Variants in CCDC22 observed in about 807,000 individuals in gnomAD.
CCDC22 encodes coiled-coil domain-containing protein 22.
CCDC22 carries 4 observed loss-of-function variants against 53.1 expected under a neutral mutation model. The observed-to-expected ratio is 0.08, with a 90% CI of 0.04 to 0.17. CCDC22 has a LOEUF of 0.17. Among genes scored for constraint, CCDC22 ranks in the 10% least tolerant of loss-of-function variants. CCDC22 has a pLI of 1.00. For synonymous variants in CCDC22, 222 were observed against 224.4 expected (o/e 0.99, Z 0.10); for missense variants, 458 against 554.0 (o/e 0.83, Z 1.74).
chrX:49,249,297 A>C, intron 14 of CCDC22, 35 bp downstream of exon 14: 3 of 1,053,679 alleles, frequency 2.8e-6, no homozygotes, highest in Non-Finnish European at 4.0e-6. Flanking sequence ...GAGTGGGGTG[A>C]GGCTGGGCTG....
At chrX:49,236,597 G>C (rs1332486648) in intron 1 of CCDC22, among the ~76,000 whole-genome samples, 1 of 111,239 alleles carries the variant, frequency 9.0e-6, no homozygotes, top group African/African-American at 3.3e-5. Context: ...AAAAACCCAG[G>C]ATGCCAACAT....
Position 49,242,084 on chromosome X carries a change from C to G in CCDC22, c.297C>G (p.Asp99Glu), listed in dbSNP as rs782159081. ...ACCCCAGTGAGCCTGACCTCCGAGA[C>G]CTGCTTCTCTTCTTGGCTGAGCGTC... is the stretch of plus-strand genomic sequence containing the variant. ...FLYPSEPDLR[D>E]LLLFLAERLP... The change falls in exon 3 of 17, where the codon GAC (aspartate) becomes GAG (glutamate). Residue 99 changes from aspartate to glutamate, a missense_variant. By Grantham distance (45) the Asp-to-Glu change is conservative (BLOSUM62 2). Coordinates refer to ENST00000376227, the MANE Select transcript of CCDC22 (RefSeq NM_014008.5). 5.8e-6 allele frequency: 7 copies of G among 1,208,394 alleles called. No individual in the cohort carries two copies. The African/African-American group carries it at 7.1e-5, about 12-fold the overall frequency.
intron 2 of CCDC22, among the ~76,000 whole-genome samples, chrX:49,239,071 TG>T (rs1346023098): frequency 1.8e-5 from 2 of 111,254 alleles, no homozygotes; most frequent in Non-Finnish European, 3.8e-5. Flanking sequence ...CTCCGCCTCC[TG>T]GGTTCCAGCA....
intron 2 of CCDC22, among the ~76,000 whole-genome samples, chrX:49,240,253 CAA>C (rs59389390): frequency 7.3e-5 from 4 of 54,718 alleles, no homozygotes; most frequent in Non-Finnish European, 3.1e-5. Flanking sequence ...ACCCCATCTC[CAA>C]AAAAAAAAAA....
rs782443126 is a variant in CCDC22 at position 49,235,620 on chromosome X, T to TC, written c.-15dup. ...CCCGGTCCTGGACCCAGCCCCCGAC[T>TC]CCGACACGGCTCCACCATGGAGGAG... is the stretch of plus-strand genomic sequence containing the variant. On this transcript the variant is annotated 5_prime_UTR_variant, in exon 1 of 17. Transcript: ENST00000376227. 1.7e-6 allele frequency: 2 copies of TC among 1,172,666 alleles called. No individual in the cohort carries two copies. The highest frequency in any genetic ancestry group is 6.4e-5 in the East Asian group (2 of 31,265).
chrX:49,250,063 C>T (rs939337428), intron 16 of CCDC22, 85 bp from the exon 17 acceptor site: 1 of 575,208 alleles, frequency 1.7e-6, no homozygotes, highest in South Asian at 2.7e-5. Context: ...GGGAGGGGCC[C>T]AGAGTGGCTG....
chrX:49,250,374 C>A lies in CCDC22; in HGVS notation c.*113C>A. On this transcript the variant is annotated 3_prime_UTR_variant, in exon 17 of 17. Coordinates refer to ENST00000376227, the MANE Select transcript of CCDC22 (RefSeq NM_014008.5). ...CTCCGCTGTCCAGTTCCTCCTGCTG[C>A]GGCCTTGGACCCAGACCCCTGCCCA... 1 of 528,328 alleles carries A rather than the reference C, an allele frequency of 1.9e-6. No individual in the cohort carries two copies. Among genetic ancestry groups the A allele is most frequent in the East Asian group, 3.6e-5 (1 of 27,593 alleles). 43.5% of individuals were successfully genotyped at this position (528,328 alleles called of 1,213,427 possible).
rs782241982 is a variant in CCDC22 at position 49,239,357 on chromosome X, G to A, written c.228+2094G>A. 30 of 423,541 alleles carry A rather than the reference G, an allele frequency of 7.1e-5. No individual in the cohort carries two copies. The Admixed American group carries it at 2.6e-3, about 37-fold the overall frequency. 34.9% of individuals were successfully genotyped at this position (423,541 alleles called of 1,213,427 possible). A position where few individuals can be genotyped will look rare whatever the true frequency, so the allele number is the denominator to read the frequency against. ...TGTAGCTACTGTATAGGGTTGCTGT[G>A]AGGATTAAACATGAGTTAATGTGTG... On this transcript the variant is annotated intron_variant, in intron 2 of 16. Transcript: ENST00000376227.
chrX:49,246,789 A>C lies in CCDC22; in HGVS notation c.773A>C (p.Gln258Pro). The C allele has an allele frequency of 8.4e-7, 1 of 1,190,723 alleles. No homozygotes were observed. Among genetic ancestry groups the C allele is most frequent in the Admixed American group, 2.3e-5 (1 of 43,772 alleles). ...AAGCAACTGACTGAGCATCTGCGCC[A>C]AAGCTGGGGCCTGCTTGGGGCCCCC... Reference protein sequence around the residue: ...LQKQLTEHLRQSWGLLGAPIQ... With the variant: ...LQKQLTEHLRPSWGLLGAPIQ... The change falls in exon 7 of 17, where the codon CAA (glutamine) becomes CCA (proline). Residue 258 changes from glutamine to proline, a missense_variant. Gln to Pro is a moderately conservative substitution (Grantham distance 76). Around this residue, in one of 4 missense-constraint regions of CCDC22, gnomAD observed 309 missense variants for 312.3 expected, o/e 0.99. Coordinates refer to ENST00000376227, the MANE Select transcript of CCDC22 (RefSeq NM_014008.5).
intron 16 of CCDC22, among the ~76,000 whole-genome samples, chrX:49,249,931 A>G (rs782516338): frequency 8.9e-6 from 1 of 112,879 alleles, no homozygotes; most frequent in Non-Finnish European, 1.9e-5. Flanking sequence ...TCCCAGGGCC[A>G]TGGGCAGAGG....
chrX:49,237,429 AG>A (rs1484655159), intron 2 of CCDC22, among the ~76,000 whole-genome samples, 166 bp downstream of exon 2: 4 of 112,298 alleles, frequency 3.6e-5, no homozygotes, highest in African/African-American at 1.3e-4. Flanking sequence ...TTAGTGGTTA[AG>A]GCTGCTGACT....
chrX:49,242,748 ATGAC>A (rs2065970029), intron 3 of CCDC22, 134 bp from the exon 4 acceptor site: 1 of 403,308 alleles, frequency 2.5e-6, no homozygotes, highest in Non-Finnish European at 4.3e-6. Flanking sequence ...TGTTTGTTGA[ATGAC>A]TGAACGTGAG....
chrX:49,246,969 G>A, intron 7 of CCDC22, 44 bp downstream of exon 7: 1 of 1,071,717 alleles, frequency 9.3e-7, no homozygotes, highest in South Asian at 2.0e-5. Context: ...GGGCGTGGCA[G>A]GCTTGGAGGG....
chrX:49,244,302 CCCT>C (rs1557113877), intron 6 of CCDC22, among the ~76,000 whole-genome samples: 1 of 104,732 alleles, frequency 9.5e-6, no homozygotes, highest in African/African-American at 3.5e-5. Context: ...TTTATCTGTC[CCCT>C]CTTCTTCTCT....
chrX:49,248,613 T>C lies in CCDC22; in HGVS notation c.1330-20T>C. 1.7e-6 allele frequency: 2 copies of C among 1,207,069 alleles called. No individual in the cohort carries two copies. On this transcript the variant is annotated intron_variant, in intron 11 of 16. Coordinates refer to ENST00000376227, the MANE Select transcript of CCDC22 (RefSeq NM_014008.5). ...TCCCTATGCTCTGCTCACTGTCTTC[T>C]GCCTGTGGGCTCATGGCAGCTGGAA... is the stretch of plus-strand genomic sequence containing the variant.
chrX:49,236,972 T>C (rs940429117), intron 1 of CCDC22, 114 bp from the exon 2 acceptor site: 62 of 578,090 alleles, frequency 1.1e-4, no homozygotes, highest in Non-Finnish European at 1.5e-4. Flanking sequence ...CTGTCTGAAC[T>C]GTAGGCATCC....
In CCDC22 at chrX:49,243,421, G is replaced by T. The variant is rs782797020; in HGVS notation, c.673G>T (p.Asp225Tyr). Residue 225 changes from aspartate to tyrosine, a missense_variant, in exon 6 of 17, where the codon GAT (aspartate) becomes TAT (tyrosine). Around this residue, in one of 4 missense-constraint regions of CCDC22, gnomAD observed 309 missense variants for 312.3 expected, o/e 0.99. Coordinates refer to ENST00000376227, the MANE Select transcript of CCDC22 (RefSeq NM_014008.5). ...GCAGACGGGCCGGGACCGGCCAGGG[G>T]ATGAGGACTGGGTCCACCGGACATC... ...CQQTGRDRPG[D>Y]EDWVHRTSRL... The T allele has an allele frequency of 2.5e-6, 3 of 1,198,809 alleles. No individual in the cohort carries two copies. The highest frequency in any genetic ancestry group is 3.4e-6 in the Non-Finnish European group (3 of 889,595).
At chrX:49,238,854 C>T (rs782552088) in intron 2 of CCDC22, among the ~76,000 whole-genome samples, 11 of 112,428 alleles carry the variant, frequency 9.8e-5, no homozygotes, top group Non-Finnish European at 1.9e-4. Flanking sequence ...CAGGCGTGCA[C>T]CACTGTGCCT....
chrX:49,236,997 C>T, intron 1 of CCDC22, 89 bp from the exon 2 acceptor site: 3 of 858,173 alleles, frequency 3.5e-6, no homozygotes, highest in Non-Finnish European at 5.0e-6. Flanking sequence ...TGCCCCGACC[C>T]TGGTACTAGT....
Sources: gnomAD v4.1 joint callset for allele counts (sites outside exome capture counted in the v4.1 genomes callset) on GRCh38, gnomAD v4.1.1 for gene constraint, gnomAD v4.1.1 regional missense constraint, MANE v1.5 for transcripts, NCBI Gene and HGNC (gene_info 2026-07-23, HGNC 2026-07-21) for gene names.